COL19A1: variants seen among roughly 807,000 people sequenced by gnomAD.
COL19A1 encodes the protein collagen alpha-1(XIX) chain.
In COL19A1, 159 loss-of-function variants were observed where a neutral mutation model predicts 190.2. The observed-to-expected ratio is 0.84, with a 90% CI of 0.73 to 0.95. COL19A1 has a LOEUF of 0.95. Ranked by LOEUF, COL19A1 falls within the 40% of genes least tolerant of loss-of-function variation. COL19A1 has a pLI of 0.00. For synonymous variants in COL19A1, 509 were observed against 458.9 expected (o/e 1.11, Z -1.39); for missense variants, 1,418 against 1,431.9 (o/e 0.99, Z 0.16).
intron 14 of COL19A1, among the ~76,000 whole-genome samples, chr6:70,042,793 A>G (rs1025512331): frequency 2.6e-5 from 4 of 152,188 alleles, no homozygotes; most frequent in Admixed American, 6.5e-5. Flanking sequence ...TTGTCATTTC[A>G]ACAATGTTTG....
rs998693986 is a variant in COL19A1, at chr6:70,000,638, G to A, written c.1027-22989G>A. Among the ~76,000 whole-genome samples, 6 of 151,896 alleles carry A rather than the reference G, an allele frequency of 4.0e-5. No individual in the cohort carries two copies. In the South Asian group the frequency reaches 6.2e-4, roughly 16 times the overall value. ...TGATCGGTGATGTTGAGCTTTTTTC[G>A]TATGTTTGTTGCCCACATAAACGTC... On this transcript the variant is annotated intron_variant, in intron 11 of 50. Coordinates refer to ENST00000620364, the MANE Select transcript of COL19A1 (RefSeq NM_001858.6).
At chr6:70,142,310 C>T (rs1786309167) in intron 22 of COL19A1, among the ~76,000 whole-genome samples, 1 of 152,152 alleles carries the variant, frequency 6.6e-6, no homozygotes, top group Admixed American at 6.6e-5. Context: ...TTCACAATAG[C>T]ATCCCTAAAA....
At chr6:69,900,096 A>C in intron 3 of COL19A1, 143 bp from the exon 4 acceptor site, 2 of 440,566 alleles carry the variant, frequency 4.5e-6, no homozygotes, top group East Asian at 3.6e-5. Flanking sequence ...GGAGAAAAAT[A>C]AAATCAAGAA....
chr6:70,147,592 T>C (rs1390542666), intron 27 of COL19A1, among the ~76,000 whole-genome samples: 1 of 152,200 alleles, frequency 6.6e-6, no homozygotes, highest in Non-Finnish European at 1.5e-5. Context: ...AACAAACTAA[T>C]TGTTTTCATA....
chr6:70,201,443 C>T (rs553666781), intron 49 of COL19A1, among the ~76,000 whole-genome samples: 2 of 152,344 alleles, frequency 1.3e-5, no homozygotes, highest in East Asian at 3.9e-4. Context: ...TGGATTTCAT[C>T]TGCTCTTGTG....
intron 40 of COL19A1, among the ~76,000 whole-genome samples, chr6:70,171,033 C>T (rs1175327621): frequency 6.6e-6 from 1 of 152,164 alleles, no homozygotes; most frequent in East Asian, 1.9e-4. Flanking sequence ...TCTTTTTTAA[C>T]TTAAAGCCCT....
chr6:69,992,677 G>T (rs985006058), intron 11 of COL19A1, among the ~76,000 whole-genome samples: 1 of 151,846 alleles, frequency 6.6e-6, no homozygotes, highest in South Asian at 2.1e-4. Flanking sequence ...CACTTCCCTG[G>T]TTGGCCCTAT....
In COL19A1 at chr6:70,184,758, A is replaced by T. The variant is rs1766400203; in HGVS notation, c.2811+20A>T. ...GCTCAGGTATGGGAAATATGATTTA[A>T]AATAAAAGTTATAATGCATACTGCA... On this transcript the variant is annotated intron_variant, in intron 45 of 50. Coordinates refer to ENST00000620364, the MANE Select transcript of COL19A1 (RefSeq NM_001858.6). 6.2e-7 allele frequency: 1 copy of T among 1,604,334 alleles called. No individual in the cohort carries two copies. Among genetic ancestry groups the T allele is most frequent in the Admixed American group, 1.7e-5 (1 of 59,422 alleles).
At chr6:70,001,508 A>G (rs1490837516) in intron 11 of COL19A1, among the ~76,000 whole-genome samples, 3 of 152,174 alleles carry the variant, frequency 2.0e-5, no homozygotes, top group African/African-American at 7.2e-5. Context: ...TAAGCATGGA[A>G]TGTTTTTCCA....
At chr6:69,997,050 A>G (rs111741773) in intron 11 of COL19A1, among the ~76,000 whole-genome samples, 21,849 of 143,342 alleles carry the variant, frequency 0.15, 2,231 homozygotes, top group African/African-American at 0.31. Flanking sequence ...GAGAGAGAGA[A>G]AGAGAACCAA....
At chr6:69,915,501 G>T (rs1276389219) in intron 4 of COL19A1, among the ~76,000 whole-genome samples, 1 of 152,094 alleles carries the variant, frequency 6.6e-6, no homozygotes, top group East Asian at 1.9e-4. Flanking sequence ...CTCATTATTT[G>T]TTCAGTTGAT....
At chr6:70,159,994 A>C (rs1399490150) in intron 34 of COL19A1, among the ~76,000 whole-genome samples, 6 of 152,112 alleles carry the variant, frequency 3.9e-5, no homozygotes, top group Non-Finnish European at 7.4e-5. Context: ...CCACTATTGA[A>C]AATTGGGAAA....
chr6:69,999,849 A>G (rs1056038019), intron 11 of COL19A1, among the ~76,000 whole-genome samples: 1 of 152,202 alleles, frequency 6.6e-6, no homozygotes, highest in Non-Finnish European at 1.5e-5. Flanking sequence ...GCAGGTTAGT[A>G]GTACACTATA....
intron 11 of COL19A1, among the ~76,000 whole-genome samples, chr6:69,968,291 G>T (rs1445604078): frequency 6.6e-6 from 1 of 152,142 alleles, no homozygotes; most frequent in Non-Finnish European, 1.5e-5. Flanking sequence ...AATAGCAGCA[G>T]TGAATTCATT....
intron 11 of COL19A1, among the ~76,000 whole-genome samples, chr6:70,016,366 T>TAAAAAAAAAAAAAAAAAACACATAAAAA (rs1778089262): frequency 2.7e-5 from 1 of 37,638 alleles, no homozygotes; most frequent in Non-Finnish European, 4.9e-5. Flanking sequence ...TAGAGTATAA[T>TAAAAAAAAAAAAAAAAAACACATAAAAA]AAAAAAAAAA....
intron 14 of COL19A1, among the ~76,000 whole-genome samples, chr6:70,055,638 C>G (rs1244025063): frequency 1.3e-5 from 2 of 151,640 alleles, no homozygotes; most frequent in Non-Finnish European, 2.9e-5. Context: ...AAAAATCAGC[C>G]AAGTGTGGTG....
chr6:70,028,202 A>G (rs143694800), intron 12 of COL19A1, among the ~76,000 whole-genome samples: 92 of 152,300 alleles, frequency 6.0e-4, no homozygotes, highest in Middle Eastern at 3.4e-3. Flanking sequence ...ACGAGACTCA[A>G]AGAAAGGCCA....
chr6:69,931,291 C>T (rs1438093862), intron 6 of COL19A1, among the ~76,000 whole-genome samples: 2 of 151,996 alleles, frequency 1.3e-5, no homozygotes, highest in East Asian at 3.8e-4. Context: ...ACAGATTTAG[C>T]CTTAAGCATT....
intron 44 of COL19A1, among the ~76,000 whole-genome samples, chr6:70,183,346 T>TA (rs1169421714): frequency 2.0e-5 from 3 of 152,112 alleles, no homozygotes; most frequent in Non-Finnish European, 4.4e-5. Flanking sequence ...TGAGTTATTG[T>TA]AAAAATCTCT....
Sources: allele counts gnomAD v4.1 joint callset (sites outside exome capture counted in the v4.1 genomes callset), GRCh38; gene constraint gnomAD v4.1.1; transcripts MANE v1.5; gene names NCBI Gene and HGNC (gene_info 2026-07-23, HGNC 2026-07-21).